ANO2: variants seen among roughly 807,000 people sequenced by gnomAD.
ANO2 encodes the protein anoctamin-2.
A neutral mutation model predicts 124.2 loss-of-function variants in ANO2; 101 were observed. The ratio of observed to expected loss-of-function variants is 0.81; its 90% CI spans 0.69 to 0.96. The LOEUF is 0.96. ANO2 is among the 40% of genes least tolerant of loss of function. ANO2 has a pLI of 0.00. For missense variants in ANO2, 1,293 were observed against 1,274.5 expected (o/e 1.01, Z -0.22); for synonymous variants, 486 against 482.5 (o/e 1.01, Z -0.09).
intron 8 of ANO2, 40 bp downstream of exon 8, chr12:5,807,273 T>C (rs1953227007): frequency 1.3e-6 from 2 of 1,523,854 alleles, no homozygotes; most frequent in Non-Finnish European, 1.8e-6. Context: ...TTCAAAGTTT[T>C]GAAGACTACA....
chr12:5,809,656 C>T (rs761386852), intron 7 of ANO2, among the ~76,000 whole-genome samples: 21 of 152,208 alleles, frequency 1.4e-4, no homozygotes, highest in African/African-American at 4.8e-4. Flanking sequence ...ATTATTGGGA[C>T]ATTAAAGCCA....
chr12:5,747,894 C>T (rs1951317054), intron 11 of ANO2, among the ~76,000 whole-genome samples: 1 of 152,220 alleles, frequency 6.6e-6, no homozygotes, highest in African/African-American at 2.4e-5. Context: ...GTGACACATC[C>T]GCAGTAACGA....
At chr12:5,941,616 T>C (rs1321509836) in intron 1 of ANO2, among the ~76,000 whole-genome samples, 1 of 151,044 alleles carries the variant, frequency 6.6e-6, no homozygotes. Context: ...CAAAATTTGA[T>C]AAAATACAAT....
intron 3 of ANO2, among the ~76,000 whole-genome samples, chr12:5,891,020 C>T (rs61908387): frequency 0.099 from 15,135 of 152,242 alleles, 852 homozygotes; most frequent in Middle Eastern, 0.19. Context: ...TCCACTCTCT[C>T]CACCTTTGGG....
At chr12:5,880,077 G>T (rs1938377679) in intron 3 of ANO2, among the ~76,000 whole-genome samples, 1 of 152,194 alleles carries the variant, frequency 6.6e-6, no homozygotes, top group Admixed American at 6.5e-5. Flanking sequence ...ACATGACCTG[G>T]TGTCCACCAG....
intron 9 of ANO2, among the ~76,000 whole-genome samples, chr12:5,805,278 G>A (rs1436274397): frequency 6.6e-6 from 1 of 152,188 alleles, no homozygotes; most frequent in Non-Finnish European, 1.5e-5. Flanking sequence ...ACAGAGTGGG[G>A]GAGGGAAGTT....
At chr12:5,863,141 C>T (rs900983196) in intron 3 of ANO2, among the ~76,000 whole-genome samples, 1 of 152,112 alleles carries the variant, frequency 6.6e-6, no homozygotes, top group Non-Finnish European at 1.5e-5. Flanking sequence ...TTATAAATTA[C>T]CCAGTCTCTG....
At chr12:5,791,304 AAAG>A (rs1437260617) in intron 10 of ANO2, among the ~76,000 whole-genome samples, 4 of 152,328 alleles carry the variant, frequency 2.6e-5, no homozygotes, top group South Asian at 2.1e-4. Flanking sequence ...CAGAAAAAAA[AAAG>A]ATCATAAAAA....
chr12:5,781,727 T>A (rs1198105856), intron 10 of ANO2, among the ~76,000 whole-genome samples: 1 of 152,236 alleles, frequency 6.6e-6, no homozygotes, highest in Non-Finnish European at 1.5e-5. Flanking sequence ...GTATACGGTC[T>A]GCATAAATGC....
chr12:5,682,321 A>C (rs1156903993), intron 14 of ANO2, among the ~76,000 whole-genome samples: 3 of 148,282 alleles, frequency 2.0e-5, no homozygotes, highest in South Asian at 2.2e-4. Context: ...TGATCTATCT[A>C]TCTCTCTCTT....
intron 14 of ANO2, among the ~76,000 whole-genome samples, chr12:5,691,634 T>C (rs928227408): frequency 6.6e-6 from 1 of 152,106 alleles, no homozygotes; most frequent in African/African-American, 2.4e-5. Flanking sequence ...CCAGGCACAG[T>C]GGCTCACACC....
At position 5,851,577 on chromosome 12, in the gene ANO2, C is replaced by T. The variant is rs374470548; in HGVS notation, c.633+2466G>A. On this transcript the variant is annotated intron_variant, in intron 4 of 24. Coordinates refer to ENST00000682330, the MANE Select transcript of ANO2 (RefSeq NM_001364791.2). ...ATGAGCACCTGTAATCCCAGCTAAT[C>T]GGGAAGTTGAGGCAGGAGAATTGCT... 1.1e-4 allele frequency among the ~76,000 whole-genome samples: 16 copies of T among 151,520 alleles called. No individual in the cohort carries two copies. In the South Asian group the frequency reaches 1.5e-3, roughly 14 times the overall value.
chr12:5,628,822 G>C (rs150628008), intron 16 of ANO2, among the ~76,000 whole-genome samples: 1 of 152,324 alleles, frequency 6.6e-6, no homozygotes, highest in Non-Finnish European at 1.5e-5. Context: ...CTTCGGTCAA[G>C]TTTCTAAACC....
chr12:5,846,642 G>A (rs1954692722), intron 4 of ANO2, among the ~76,000 whole-genome samples: 1 of 152,232 alleles, frequency 6.6e-6, no homozygotes, highest in Admixed American at 6.5e-5. Context: ...GGCTGTAAGG[G>A]AAAAATTATT....
chr12:5,645,643 G>A (rs546821892), intron 15 of ANO2, among the ~76,000 whole-genome samples: 3 of 152,248 alleles, frequency 2.0e-5, no homozygotes, highest in African/African-American at 7.2e-5. Flanking sequence ...ACCTGTGACT[G>A]ATATTTTCAA....
intron 14 of ANO2, among the ~76,000 whole-genome samples, chr12:5,704,626 T>C (rs1254493524): frequency 6.6e-6 from 1 of 152,104 alleles, no homozygotes; most frequent in Non-Finnish European, 1.5e-5. Context: ...CTGAAGGCAT[T>C]TGGACCTGAT....
chr12:5,594,466 T>C (rs1943562625), intron 20 of ANO2, among the ~76,000 whole-genome samples: 1 of 152,176 alleles, frequency 6.6e-6, no homozygotes, highest in Admixed American at 6.5e-5. Flanking sequence ...TGTCTGGTCT[T>C]CAGGGTTTTC....
chr12:5,801,957 T>A (rs1044507272), intron 9 of ANO2, among the ~76,000 whole-genome samples: 2 of 152,184 alleles, frequency 1.3e-5, no homozygotes, highest in African/African-American at 4.8e-5. Context: ...CAAAGGGAGA[T>A]ATGCTTGCGT....
intron 3 of ANO2, among the ~76,000 whole-genome samples, chr12:5,864,600 C>T (rs1955369547): frequency 1.3e-5 from 2 of 152,314 alleles, no homozygotes; most frequent in South Asian, 4.1e-4. Context: ...GAGAGCACTT[C>T]AGTGCCTGAG....
Sources: gnomAD v4.1 joint callset for allele counts (sites outside exome capture counted in the v4.1 genomes callset) on GRCh38, gnomAD v4.1.1 for gene constraint, MANE v1.5 for transcripts, NCBI Gene and HGNC (gene_info 2026-07-23, HGNC 2026-07-21) for gene names.